The following RPS6KA2 variants were observed in gnomAD, a reference collection of about 807,000 sequenced individuals.
RPS6KA2 encodes the protein ribosomal protein S6 kinase A2.
A neutral mutation model predicts 91.8 loss-of-function variants in RPS6KA2; 42 were observed. The observed-to-expected ratio is 0.46, with a 90% CI of 0.36 to 0.59. RPS6KA2 has a LOEUF of 0.59. Ranked by LOEUF, RPS6KA2 falls within the 20% of genes least tolerant of loss-of-function variation. The pLI is 0.00. For synonymous variants in RPS6KA2, 414 were observed against 393.6 expected, an observed-to-expected ratio of 1.05 and a Z score of -0.61; for missense variants, 798 against 978.5, an observed-to-expected ratio of 0.82 and a Z score of 2.46.
intron 7 of RPS6KA2, among the ~76,000 whole-genome samples, chr6:166,499,534 T>C (rs1167372270): frequency 6.6e-6 from 1 of 152,220 alleles, no homozygotes; most frequent in Non-Finnish European, 1.5e-5. Context: ...AGTGCTATTC[T>C]CGTGACAGTG....
chr6:166,848,255 A>G (rs917500277), intron 2 of RPS6KA2, among the ~76,000 whole-genome samples: 3 of 152,202 alleles, frequency 2.0e-5, no homozygotes, highest in African/African-American at 7.2e-5. Flanking sequence ...AAATCAAAAA[A>G]TAATAGATGT....
intron 2 of RPS6KA2, among the ~76,000 whole-genome samples, chr6:166,670,125 C>T (rs1022660475): frequency 2.0e-4 from 31 of 152,400 alleles, no homozygotes; most frequent in African/African-American, 7.2e-4. Flanking sequence ...AGAATGTACA[C>T]TTCCAGTCAC....
At chr6:166,486,762 C>T (rs1303333999) in intron 10 of RPS6KA2, among the ~76,000 whole-genome samples, 1 of 149,868 alleles carries the variant, frequency 6.7e-6, no homozygotes, top group African/African-American at 2.4e-5. Flanking sequence ...ATGTGGGCTG[C>T]AATTCAGTCT....
At chr6:166,798,484 GC>G (rs1562445683) in intron 2 of RPS6KA2, among the ~76,000 whole-genome samples, 1 of 152,228 alleles carries the variant, frequency 6.6e-6, no homozygotes. Context: ...TCCCCAGGGA[GC>G]CCCAAACAGC....
At chr6:166,427,107 T>C (rs1248968791) in intron 16 of RPS6KA2, among the ~76,000 whole-genome samples, 2 of 152,218 alleles carry the variant, frequency 1.3e-5, no homozygotes, top group African/African-American at 4.8e-5. Context: ...TCCACCATGA[T>C]CAAGTGGGCT....
At chr6:166,588,549 T>C (rs1785258560) in intron 1 of RPS6KA2, among the ~76,000 whole-genome samples, 1 of 152,182 alleles carries the variant, frequency 6.6e-6, no homozygotes, top group Non-Finnish European at 1.5e-5. Context: ...CACCAGAATC[T>C]GGGGAAATTC....
At chr6:166,826,468 G>A (rs896741800) in intron 2 of RPS6KA2, among the ~76,000 whole-genome samples, 5 of 152,176 alleles carry the variant, frequency 3.3e-5, no homozygotes, top group African/African-American at 7.2e-5. Flanking sequence ...CATCCACAGC[G>A]CTGCTTGGTA....
At chr6:166,590,805 CG>C (rs1785331607) in intron 1 of RPS6KA2, among the ~76,000 whole-genome samples, 1 of 151,486 alleles carries the variant, frequency 6.6e-6, no homozygotes, top group Non-Finnish European at 1.5e-5. Flanking sequence ...TCAACACTAA[CG>C]GATAAGTGAT....
In RPS6KA2 at chr6:166,419,253, G is replaced by A. The variant is rs187332641; in HGVS notation, c.1820+629C>T. 1.4e-4 allele frequency among the ~76,000 whole-genome samples: 21 copies of A among 152,302 alleles called. No individual in the cohort carries two copies. The highest frequency in any genetic ancestry group is 3.8e-4 in the African/African-American group (16 of 41,570). On this transcript the variant is annotated intron_variant, in intron 18 of 20. Coordinates refer to ENST00000265678, the MANE Select transcript of RPS6KA2 (RefSeq NM_021135.6). The surrounding 1 kb of genome is among the most constrained non-coding windows in gnomAD (Gnocchi z 5.6). ...TTTAATAAACGTAATAGGAACCAGC[G>A]GATCTTGTAAGATCCTAGACCTTCC... is the stretch of plus-strand genomic sequence containing the variant.
At chr6:166,747,133 A>G (rs1268800579) in intron 2 of RPS6KA2, among the ~76,000 whole-genome samples, 1 of 152,162 alleles carries the variant, frequency 6.6e-6, no homozygotes, top group Non-Finnish European at 1.5e-5. Flanking sequence ...GATAAGCTTG[A>G]CCGTCAGCCC....
Position 166,626,910 on chromosome 6 carries a change from G to T in RPS6KA2, c.99+11C>A, listed in dbSNP as rs762076734. The T allele has an allele frequency of 1.3e-6, 2 of 1,502,784 alleles. No homozygotes were observed. The highest frequency in any genetic ancestry group is 1.4e-5 in the African/African-American group (1 of 69,652). The allele number at this position is 1,502,784 out of a possible 1,614,324, so 93.1% of individuals were successfully genotyped here. Reference sequence around the variant, plus strand: ...CCCGGCACCTGCGCGCCCCGAGGGCGGCCGCATTACCTCGAGCCGGCTCAG... The same window carrying T: ...CCCGGCACCTGCGCGCCCCGAGGGCTGCCGCATTACCTCGAGCCGGCTCAG... On this transcript the variant is annotated intron_variant, in intron 1 of 20. Transcript: ENST00000265678. The surrounding 1 kb of genome is among the most constrained non-coding windows in gnomAD (Gnocchi z 4.1).
At chr6:166,644,658 C>T (rs1375473974) in intron 2 of RPS6KA2, among the ~76,000 whole-genome samples, 1 of 152,174 alleles carries the variant, frequency 6.6e-6, no homozygotes, top group African/African-American at 2.4e-5. Context: ...GAAATTACAG[C>T]CTAGGGGTTT....
At chr6:166,751,131 G>A (rs1358594613) in intron 2 of RPS6KA2, among the ~76,000 whole-genome samples, 3 of 152,174 alleles carry the variant, frequency 2.0e-5, no homozygotes, top group Non-Finnish European at 2.9e-5. Context: ...GTGAAATAGC[G>A]GAGCAGTAAG....
At chr6:166,575,569 GA>G (rs1263499856) in intron 1 of RPS6KA2, among the ~76,000 whole-genome samples, 5 of 152,110 alleles carry the variant, frequency 3.3e-5, no homozygotes, top group Non-Finnish European at 5.9e-5. Flanking sequence ...CTCTACATCT[GA>G]AAATATTTCA....
At chr6:166,416,901 CATCATCTCTACA>C (rs1778551758) in intron 19 of RPS6KA2, among the ~76,000 whole-genome samples, 2 of 152,212 alleles carry the variant, frequency 1.3e-5, no homozygotes, top group Non-Finnish European at 2.9e-5. Flanking sequence ...TTACCTCCAC[CATCATCTCTACA>C]ATCATCACCT....
chr6:166,772,577 C>T (rs79280772), intron 2 of RPS6KA2, among the ~76,000 whole-genome samples: 4,820 of 152,252 alleles, frequency 0.032, 265 homozygotes, highest in African/African-American at 0.11. Flanking sequence ...ACATAAATGA[C>T]GCTTTTACAG....
chr6:166,457,369 T>C (rs1780137856), intron 12 of RPS6KA2, among the ~76,000 whole-genome samples: 2 of 152,186 alleles, frequency 1.3e-5, no homozygotes, highest in Non-Finnish European at 2.9e-5. Flanking sequence ...GTTCTGTGAA[T>C]TGGGTTAAGT....
intron 2 of RPS6KA2, among the ~76,000 whole-genome samples, chr6:166,761,887 C>T (rs1183707534): frequency 6.6e-6 from 1 of 152,174 alleles, no homozygotes; most frequent in Non-Finnish European, 1.5e-5. Flanking sequence ...GCAAGTTATC[C>T]CCTGCACCCC....
chr6:166,672,052 T>A (rs1788487386), intron 2 of RPS6KA2, among the ~76,000 whole-genome samples: 1 of 152,214 alleles, frequency 6.6e-6, no homozygotes, highest in African/African-American at 2.4e-5. Context: ...CCTCAGCATT[T>A]CCTGTGGGTC....
Sources: gnomAD v4.1 joint callset for allele counts (sites outside exome capture counted in the v4.1 genomes callset) on GRCh38, gnomAD v4.1.1 for gene constraint, Gnocchi (gnomAD v3.1) non-coding constraint, MANE v1.5 for transcripts, NCBI Gene and HGNC (gene_info 2026-07-23, HGNC 2026-07-21) for gene names.